ROBO2: variants seen among roughly 807,000 people sequenced by gnomAD.
The protein encoded by ROBO2 is roundabout homolog 2.
A neutral mutation model predicts 160.8 loss-of-function variants in ROBO2; 53 were observed. That is an observed-to-expected ratio of 0.33 (90% confidence interval 0.26 to 0.41). The LOEUF (loss-of-function observed/expected upper bound fraction) is 0.41. Among genes scored for constraint, ROBO2 ranks in the 10% least tolerant of loss-of-function variants. The probability of loss-of-function intolerance (pLI) is 1.00; values close to 1 mark genes in which losing one functional copy is unlikely to be tolerated. For missense variants in ROBO2, 1,577 were observed against 1,722.4 expected (o/e 0.92, Z 1.49); for synonymous variants, 664 against 611.7 (o/e 1.09, Z -1.26).
chr3:77,602,774 A>G (rs2094458858), intron 20 of ROBO2, among the ~76,000 whole-genome samples: 1 of 150,938 alleles, frequency 6.6e-6, no homozygotes, highest in Non-Finnish European at 1.5e-5. Context: ...CAACCTAATG[A>G]TCAACAATCC....
At chr3:76,864,819 C>T (rs1298277152) in intron 2 of ROBO2, among the ~76,000 whole-genome samples, 1 of 152,022 alleles carries the variant, frequency 6.6e-6, no homozygotes, top group Non-Finnish European at 1.5e-5. Context: ...TTCAGACAAA[C>T]TATTTTCCAT....
chr3:76,265,239 A>G (rs139548188), intron 2 of ROBO2, among the ~76,000 whole-genome samples: 324 of 152,074 alleles, frequency 2.1e-3, no homozygotes, highest in Middle Eastern at 0.014. Context: ...GCGAAAGACT[A>G]TATTCTCCTT....
At chr3:77,602,340 C>A (rs773494376) in exon 20 of ROBO2, 22 of 1,613,958 alleles carry the variant, frequency 1.4e-5, no homozygotes, top group Non-Finnish European at 1.9e-5. Flanking sequence ...CACAGGCTAC[C>A]CCATATGCCA....
chr3:76,921,933 C>A (rs1256456911), intron 2 of ROBO2, among the ~76,000 whole-genome samples: 1 of 152,030 alleles, frequency 6.6e-6, no homozygotes, highest in African/African-American at 2.4e-5. Flanking sequence ...AATCATAACA[C>A]CTCATGATTT....
chr3:76,506,233 A>T (rs1405964874), intron 2 of ROBO2, among the ~76,000 whole-genome samples: 1 of 152,152 alleles, frequency 6.6e-6, no homozygotes, highest in Admixed American at 6.5e-5. Context: ...ACACCATAGA[A>T]ATTTATTACT....
At chr3:76,225,517 C>T (rs1420576971) in intron 2 of ROBO2, among the ~76,000 whole-genome samples, 1 of 152,108 alleles carries the variant, frequency 6.6e-6, no homozygotes, top group Non-Finnish European at 1.5e-5. Context: ...GAGTTCAAGA[C>T]TAGTCTGGGC....
chr3:77,258,962 A>G lies in ROBO2; in HGVS notation c.388+160622A>G, dbSNP rs533007881. On this transcript the variant is annotated intron_variant, in intron 2 of 25. Coordinates refer to ENST00000461745, the Ensembl canonical transcript of ROBO2. ...TTCTTTCTATATTCTCCCACTTCAC[A>G]TTCCAGCTCTGCTGAACAGTTGACT... Among the ~76,000 whole-genome samples, 318 of 152,262 alleles carry G rather than the reference A, an allele frequency of 2.1e-3. 2 individuals are homozygous for G. Among genetic ancestry groups the G allele is most frequent in the African/African-American group, 7.2e-3 (298 of 41,556 alleles).
intron 2 of ROBO2, among the ~76,000 whole-genome samples, chr3:76,270,468 C>T (rs934526904): frequency 6.6e-6 from 1 of 152,142 alleles, no homozygotes; most frequent in African/African-American, 2.4e-5. Flanking sequence ...TAATAGACTA[C>T]GATGTAGCAA....
At chr3:77,471,625 A>T (rs2083357449) in intron 2 of ROBO2, among the ~76,000 whole-genome samples, 1 of 152,230 alleles carries the variant, frequency 6.6e-6, no homozygotes, top group African/African-American at 2.4e-5. Context: ...TCAATAACTT[A>T]GTCTGCTGAA....
chr3:76,342,042 T>A (rs552690407), intron 2 of ROBO2, among the ~76,000 whole-genome samples: 1 of 152,280 alleles, frequency 6.6e-6, no homozygotes, highest in African/African-American at 2.4e-5. Context: ...AAACAGTGTT[T>A]ACAGACAATA....
chr3:76,638,413 A>G (rs140408384), intron 2 of ROBO2, among the ~76,000 whole-genome samples: 3 of 152,292 alleles, frequency 2.0e-5, no homozygotes, highest in African/African-American at 4.8e-5. Flanking sequence ...ATTACTCACA[A>G]TTCCTGTTAA....
At chr3:77,196,325 CTTTT>C (rs57448784) in intron 2 of ROBO2, among the ~76,000 whole-genome samples, 51 of 141,732 alleles carry the variant, frequency 3.6e-4, no homozygotes, top group Non-Finnish European at 4.4e-4. Flanking sequence ...AAATACCCTG[CTTTT>C]TTTTTTTTTT....
At chr3:76,328,908 T>TTTTATA (rs1370335347) in intron 2 of ROBO2, among the ~76,000 whole-genome samples, 20 of 136,024 alleles carry the variant, frequency 1.5e-4, no homozygotes, top group South Asian at 6.5e-4. Context: ...ATTTATGTTA[T>TTTTATA]TATATATATA....
intron 2 of ROBO2, among the ~76,000 whole-genome samples, chr3:77,453,958 T>C (rs919626321): frequency 2.0e-5 from 3 of 152,126 alleles, no homozygotes; most frequent in Admixed American, 2.0e-4. Flanking sequence ...GTCTTGCAAA[T>C]ACATGTTTTT....
intron 1 of ROBO2, among the ~76,000 whole-genome samples, chr3:77,049,863 T>A (rs1194154517): frequency 2.0e-5 from 3 of 152,200 alleles, no homozygotes; most frequent in African/African-American, 7.2e-5. Flanking sequence ...TTAAGGGATT[T>A]GGACCAAACC....
intron 2 of ROBO2, among the ~76,000 whole-genome samples, chr3:77,329,115 C>T (rs1268675432): frequency 1.3e-5 from 2 of 152,134 alleles, no homozygotes; most frequent in Non-Finnish European, 2.9e-5. Flanking sequence ...TGACTTTTCC[C>T]CATTAATTAA....
At chr3:76,519,185 A>G (rs1007900942) in intron 2 of ROBO2, among the ~76,000 whole-genome samples, 2 of 152,208 alleles carry the variant, frequency 1.3e-5, no homozygotes, top group African/African-American at 2.4e-5. Context: ...GATGTTTAAC[A>G]TATAATGATA....
chr3:76,864,192 A>C (rs2071112697), intron 2 of ROBO2, among the ~76,000 whole-genome samples: 1 of 152,096 alleles, frequency 6.6e-6, no homozygotes, highest in Non-Finnish European at 1.5e-5. Flanking sequence ...TATCACTCAC[A>C]GTATGTTTTT....
intron 2 of ROBO2, among the ~76,000 whole-genome samples, chr3:76,006,648 T>C (rs76370932): frequency 0.03 from 4,621 of 152,204 alleles, 216 homozygotes; most frequent in African/African-American, 0.098. Context: ...TTATAAAGTA[T>C]GATATTAATA....
Sources: allele counts gnomAD v4.1 joint callset (sites outside exome capture counted in the v4.1 genomes callset), GRCh38; gene constraint gnomAD v4.1.1; transcripts MANE v1.5; gene names NCBI Gene and HGNC (gene_info 2026-07-23, HGNC 2026-07-21).